The following SLCO1B3 variants were observed in gnomAD, a reference collection of about 807,000 sequenced individuals.
SLCO1B3 encodes the protein liver-specific organic anion transporter 2.
A neutral mutation model predicts 71.8 loss-of-function variants in SLCO1B3; 72 were observed. That is an observed-to-expected ratio of 1.00 (90% CI 0.83 to 1.22). SLCO1B3 has a LOEUF of 1.22. Ranked by LOEUF, SLCO1B3 falls within the 50% of genes most tolerant of loss-of-function variation. The probability of loss-of-function intolerance (pLI) is 0.00; values close to 1 mark genes in which losing one functional copy is unlikely to be tolerated. For missense variants in SLCO1B3, 911 were observed against 819.7 expected, an observed-to-expected ratio of 1.11 and a Z score of -1.36; for synonymous variants, 298 against 278.4, an observed-to-expected ratio of 1.07 and a Z score of -0.70.
intron 7 of SLCO1B3, 39 bp downstream of exon 7, chr12:20,862,597 C>G (rs1865290498): frequency 8.5e-6 from 13 of 1,537,856 alleles, no homozygotes; most frequent in Non-Finnish European, 1.1e-5. Context: ...GATTACATTC[C>G]CTGGATCTAC....
chr12:20,848,620 G>T (rs1864962320), intron 3 of SLCO1B3, among the ~76,000 whole-genome samples: 1 of 152,056 alleles, frequency 6.6e-6, no homozygotes, highest in Admixed American at 6.6e-5. Flanking sequence ...AAGAAACTGT[G>T]ATACAGTCAA....
intron 14 of SLCO1B3, 96 bp downstream of exon 14, chr12:20,898,596 TA>T (rs1193927843): frequency 5.6e-6 from 3 of 534,850 alleles, no homozygotes; most frequent in African/African-American, 2.0e-5. Flanking sequence ...TAAGACTGTA[TA>T]AAAAAGAATA....
intron 8 of SLCO1B3, among the ~76,000 whole-genome samples, chr12:20,872,195 G>A (rs1418356771): frequency 1.3e-5 from 2 of 151,848 alleles, no homozygotes; most frequent in Non-Finnish European, 2.9e-5. Context: ...GATTCTGCCA[G>A]GCCACCACCC....
At chr12:20,851,997 C>A (rs1442229089) in intron 3 of SLCO1B3, among the ~76,000 whole-genome samples, 8 of 152,284 alleles carry the variant, frequency 5.3e-5, no homozygotes, top group African/African-American at 1.7e-4. Context: ...GAACTCTATT[C>A]TATTCCATTG....
intron 13 of SLCO1B3, among the ~76,000 whole-genome samples, chr12:20,897,658 G>A (rs1217539380): frequency 6.6e-6 from 1 of 151,960 alleles, no homozygotes; most frequent in East Asian, 1.9e-4. Context: ...ACACTTCGAG[G>A]AGAAAAAAAC....
intron 1 of SLCO1B3, among the ~76,000 whole-genome samples, chr12:20,812,576 T>C (rs757461080): frequency 6.6e-6 from 1 of 152,210 alleles, no homozygotes; most frequent in Non-Finnish European, 1.5e-5. Context: ...CTTATGGTTG[T>C]ATTGGGAAAT....
intron 14 of SLCO1B3, among the ~76,000 whole-genome samples, chr12:20,900,471 A>C (rs1866106786): frequency 6.6e-6 from 1 of 152,178 alleles, no homozygotes; most frequent in South Asian, 2.1e-4. Flanking sequence ...CCTATTCTTA[A>C]AACTAGGAGT....
intron 15 of SLCO1B3, among the ~76,000 whole-genome samples, chr12:20,914,618 C>A (rs1282658992): frequency 6.6e-6 from 1 of 152,074 alleles, no homozygotes; most frequent in Non-Finnish European, 1.5e-5. Flanking sequence ...ATTCTTCCAT[C>A]TTTATGTATA....
chr12:20,826,550 A>T (rs1864426090), intron 3 of SLCO1B3, among the ~76,000 whole-genome samples: 1 of 150,190 alleles, frequency 6.7e-6, no homozygotes, highest in Non-Finnish European at 1.5e-5. Context: ...AGCAAACTTG[A>T]TCACTTTTTT....
intron 13 of SLCO1B3, among the ~76,000 whole-genome samples, chr12:20,896,855 A>G (rs138792783): frequency 3.9e-5 from 6 of 152,354 alleles, no homozygotes; most frequent in South Asian, 4.1e-4. Context: ...TTATAGTTCC[A>G]TGTGGCTGGG....
At chr12:20,859,759 A>G (rs1440657870) in intron 5 of SLCO1B3, among the ~76,000 whole-genome samples, 1 of 152,054 alleles carries the variant, frequency 6.6e-6, no homozygotes, top group Non-Finnish European at 1.5e-5. Context: ...TGAGGACCAC[A>G]TTCTAGGCTT....
At chr12:20,854,142 A>G (rs1338058192) in intron 3 of SLCO1B3, among the ~76,000 whole-genome samples, 1 of 152,084 alleles carries the variant, frequency 6.6e-6, no homozygotes, top group African/African-American at 2.4e-5. Flanking sequence ...ATCTTGGAGA[A>G]TGTTCCATTT....
At chr12:20,897,277 T>C (rs541912660) in intron 13 of SLCO1B3, among the ~76,000 whole-genome samples, 2 of 152,330 alleles carry the variant, frequency 1.3e-5, no homozygotes, top group African/African-American at 4.8e-5. Context: ...TGTATTATGT[T>C]TAATTTAGTT....
chr12:20,854,487 T>C (rs1281139696), intron 3 of SLCO1B3, among the ~76,000 whole-genome samples: 1 of 152,196 alleles, frequency 6.6e-6, no homozygotes, highest in Non-Finnish European at 1.5e-5. Flanking sequence ...TCATAAAATC[T>C]AGTTTTTCTG....
At chr12:20,909,761 A>C (rs1239890121) in intron 15 of SLCO1B3, among the ~76,000 whole-genome samples, 3 of 152,052 alleles carry the variant, frequency 2.0e-5, no homozygotes, top group Admixed American at 1.3e-4. Flanking sequence ...CCCAAACAGG[A>C]GTGCAGTGGC....
chr12:20,898,122 C>T (rs910236277), intron 13 of SLCO1B3, among the ~76,000 whole-genome samples: 1 of 152,090 alleles, frequency 6.6e-6, no homozygotes, highest in African/African-American at 2.4e-5. Context: ...CACACAAAAT[C>T]ATTTTCTTCA....
intron 4 of SLCO1B3, among the ~76,000 whole-genome samples, chr12:20,856,731 C>T (rs187818617): frequency 4.0e-4 from 61 of 152,136 alleles, no homozygotes; most frequent in Admixed American, 1.7e-3. Flanking sequence ...GGCTAATTTT[C>T]GTATTTTTAA....
intron 13 of SLCO1B3, among the ~76,000 whole-genome samples, chr12:20,888,520 A>ATT (rs1368003720): frequency 6.6e-6 from 1 of 151,916 alleles, no homozygotes; most frequent in Non-Finnish European, 1.5e-5. Context: ...AATGGTACTT[A>ATT]TTTTTGTACA....
At chr12:20,825,097 T>G (rs1345034692) in intron 3 of SLCO1B3, among the ~76,000 whole-genome samples, 6 of 152,198 alleles carry the variant, frequency 3.9e-5, no homozygotes, top group African/African-American at 1.4e-4. Context: ...TTTAATCATT[T>G]TGACCATAAG....
Sources: gnomAD v4.1 joint callset for allele counts (sites outside exome capture counted in the v4.1 genomes callset) on GRCh38, gnomAD v4.1.1 for gene constraint, MANE v1.5 for transcripts, NCBI Gene and HGNC (gene_info 2026-07-23, HGNC 2026-07-21) for gene names.